Variants in PCDH15 observed in about 807,000 individuals in gnomAD.
PCDH15 encodes the protein protocadherin-15.
Under a neutral mutation model 178.5 loss-of-function variants are expected in PCDH15, and 129 were observed. The ratio of observed to expected loss-of-function variants is 0.72; its 90% CI spans 0.63 to 0.84. The LOEUF is 0.84. Ranked by LOEUF, PCDH15 falls within the 40% of genes least tolerant of loss-of-function variation. The pLI is 0.00. For synonymous variants in PCDH15, 800 were observed against 732.0 expected (o/e 1.09, Z -1.50); for missense variants, 2,230 against 2,099.9 (o/e 1.06, Z -1.21).
rs561525996 is a variant in PCDH15, at chr10:53,885,397, T to G, written c.3501+17846A>C. ...GGACCAAAAAACCTTCAATATGCCT[T>G]TTAAAAAAAAGAAATATTATTTTAA... On this transcript the variant is annotated intron_variant, in intron 26 of 37. Coordinates refer to ENST00000644397, the MANE Select transcript of PCDH15 (RefSeq NM_001384140.1). Among the ~76,000 whole-genome samples the G allele has an allele frequency of 7.5e-5, 11 of 147,134 alleles. No individual in the cohort carries two copies. The East Asian group carries it at 2.3e-3, about 31-fold the overall frequency.
At chr10:54,990,997 T>C (rs781276031) in intron 2 of PCDH15, among the ~76,000 whole-genome samples, 1 of 152,106 alleles carries the variant, frequency 6.6e-6, no homozygotes, top group Non-Finnish European at 1.5e-5. Context: ...TTCCTAGTAA[T>C]AATCATTTGT....
intron 1 of PCDH15, among the ~76,000 whole-genome samples, chr10:55,233,722 T>C (rs1217860418): frequency 1.3e-5 from 2 of 152,104 alleles, no homozygotes; most frequent in Non-Finnish European, 2.9e-5. Context: ...CTATGTTGGT[T>C]TCATGCCTTC....
intron 1 of PCDH15, among the ~76,000 whole-genome samples, chr10:54,716,308 T>C (rs67924016): frequency 0.12 from 18,540 of 152,114 alleles, 1,257 homozygotes; most frequent in African/African-American, 0.17. Context: ...CACAGGTGGC[T>C]CATACCCATA....
At chr10:54,857,570 C>T (rs1372179483) in intron 3 of PCDH15, among the ~76,000 whole-genome samples, 2 of 151,494 alleles carry the variant, frequency 1.3e-5, no homozygotes, top group Non-Finnish European at 2.9e-5. Flanking sequence ...TTCAGCCTCC[C>T]GAGTACATAG....
At chr10:54,769,540 C>T (rs1030715220) in intron 1 of PCDH15, among the ~76,000 whole-genome samples, 3 of 151,300 alleles carry the variant, frequency 2.0e-5, no homozygotes, top group African/African-American at 7.3e-5. Context: ...ACCATATTTT[C>T]TTATGGGTGG....
intron 2 of PCDH15, among the ~76,000 whole-genome samples, chr10:55,526,049 A>G (rs2132170651): frequency 6.6e-6 from 1 of 152,102 alleles, no homozygotes; most frequent in South Asian, 2.1e-4. Flanking sequence ...TTTCATATGC[A>G]ATTTGTTTAA....
chr10:54,202,466 A>T (rs2050331055), intron 10 of PCDH15, among the ~76,000 whole-genome samples: 1 of 152,116 alleles, frequency 6.6e-6, no homozygotes, highest in Non-Finnish European at 1.5e-5. Context: ...ACACAAGGCA[A>T]TCATTCTCAA....
At chr10:54,196,791 G>A (rs1564655744) in intron 10 of PCDH15, among the ~76,000 whole-genome samples, 1 of 152,088 alleles carries the variant, frequency 6.6e-6, no homozygotes, top group South Asian at 2.1e-4. Flanking sequence ...TTATAGAAAA[G>A]GGTCTAGAGG....
intron 25 of PCDH15, among the ~76,000 whole-genome samples, chr10:53,906,050 A>G (rs1040536334): frequency 2.6e-4 from 39 of 152,086 alleles, no homozygotes; most frequent in African/African-American, 8.2e-4. Flanking sequence ...AAACAGTTAT[A>G]ATGCGATTTA....
At chr10:54,559,795 G>A (rs2087813101) in intron 2 of PCDH15, among the ~76,000 whole-genome samples, 1 of 134,296 alleles carries the variant, frequency 7.4e-6, no homozygotes, top group Non-Finnish European at 1.5e-5. Context: ...TGGCTTAAAT[G>A]AGAATTCTGT....
intron 21 of PCDH15, among the ~76,000 whole-genome samples, chr10:53,963,758 A>G (rs2088632353): frequency 6.6e-6 from 1 of 152,108 alleles, no homozygotes; most frequent in Non-Finnish European, 1.5e-5. Flanking sequence ...CTTAAGCCCC[A>G]TAGCCAAATC....
intron 2 of PCDH15, among the ~76,000 whole-genome samples, chr10:55,028,773 T>G (rs934770860): frequency 2.0e-5 from 3 of 152,038 alleles, no homozygotes; most frequent in Non-Finnish European, 4.4e-5. Context: ...TGTTTTTGTC[T>G]GGTGTTGTAA....
At chr10:54,539,991 T>A (rs915877101) in intron 2 of PCDH15, among the ~76,000 whole-genome samples, 3 of 152,066 alleles carry the variant, frequency 2.0e-5, no homozygotes, top group Admixed American at 2.0e-4. Flanking sequence ...CTCTGGGATG[T>A]GGGAAGAGAT....
intron 2 of PCDH15, among the ~76,000 whole-genome samples, chr10:54,537,220 C>T (rs1162138188): frequency 1.3e-5 from 2 of 151,920 alleles, no homozygotes. Flanking sequence ...AGGATGGTCG[C>T]GATCTCCTGA....
intron 15 of PCDH15, among the ~76,000 whole-genome samples, chr10:54,103,593 T>C (rs1177034333): frequency 1.3e-5 from 2 of 152,156 alleles, no homozygotes; most frequent in South Asian, 4.1e-4. Flanking sequence ...CAGGGATGAG[T>C]AGGTCTAAAG....
At chr10:54,528,513 G>A in intron 2 of PCDH15, 2 of 757,566 alleles carry the variant, frequency 2.6e-6, no homozygotes, top group South Asian at 2.3e-5. Flanking sequence ...GATATAAAAA[G>A]CATTATACAA....
At chr10:55,009,750 G>C (rs940082886) in intron 2 of PCDH15, among the ~76,000 whole-genome samples, 1 of 152,036 alleles carries the variant, frequency 6.6e-6, no homozygotes, top group African/African-American at 2.4e-5. Flanking sequence ...GAAAACTAAA[G>C]AGCGAAACAG....
At chr10:55,053,970 A>C (rs1272928430) in intron 2 of PCDH15, among the ~76,000 whole-genome samples, 1 of 152,206 alleles carries the variant, frequency 6.6e-6, no homozygotes, top group Admixed American at 6.5e-5. Flanking sequence ...TGAAGGGAAT[A>C]AGAAGTCTAT....
intron 2 of PCDH15, among the ~76,000 whole-genome samples, chr10:54,641,491 T>C (rs1459496551): frequency 6.6e-6 from 1 of 152,062 alleles, no homozygotes; most frequent in African/African-American, 2.4e-5. Flanking sequence ...AATGGCCCTA[T>C]TCTACCTTAT....
Sources: gnomAD v4.1 joint callset for allele counts (sites outside exome capture counted in the v4.1 genomes callset) on GRCh38, gnomAD v4.1.1 for gene constraint, MANE v1.5 for transcripts, NCBI Gene and HGNC (gene_info 2026-07-23, HGNC 2026-07-21) for gene names.